The following LNP1 variants were observed in gnomAD, a reference collection of about 807,000 sequenced individuals.
The protein encoded by LNP1 is leukemia NUP98 fusion partner 1.
LNP1 carries 12 observed loss-of-function variants against 14.5 expected under a neutral mutation model. The observed-to-expected ratio is 0.83, with a 90% CI of 0.53 to 1.34. LNP1 has a LOEUF of 1.34. LNP1 is among the 40% of genes most tolerant of loss of function. LNP1 has a pLI of 0.00. For missense variants in LNP1, 198 were observed against 210.9 expected (o/e 0.94, Z 0.38); for synonymous variants, 75 against 71.4 (o/e 1.05, Z -0.26).
At chr3:100,447,576 TA>T (rs1481245008) in intron 2 of LNP1, among the ~76,000 whole-genome samples, 2 of 151,710 alleles carry the variant, frequency 1.3e-5, no homozygotes, top group African/African-American at 4.8e-5. Flanking sequence ...TGTGCACATG[TA>T]CCCTAGAACT....
intron 2 of LNP1, among the ~76,000 whole-genome samples, chr3:100,448,131 G>A (rs74738657): frequency 0.024 from 3,620 of 151,938 alleles, 147 homozygotes; most frequent in African/African-American, 0.083. Context: ...ATCATTTAAC[G>A]TTATGGAACC....
intron 2 of LNP1, among the ~76,000 whole-genome samples, chr3:100,443,839 C>G (rs1414495213): frequency 6.6e-6 from 1 of 152,116 alleles, no homozygotes; most frequent in Non-Finnish European, 1.5e-5. Context: ...AAGAATACTC[C>G]CAAACAGTTT....
At chr3:100,411,356 A>G (rs1707030615) in intron 1 of LNP1, among the ~76,000 whole-genome samples, 1 of 152,208 alleles carries the variant, frequency 6.6e-6, no homozygotes, top group Non-Finnish European at 1.5e-5. Context: ...TTTAGATGAT[A>G]TTTAATGAGA....
chr3:100,439,609 C>A (rs900069954), intron 2 of LNP1, among the ~76,000 whole-genome samples: 5 of 152,146 alleles, frequency 3.3e-5, no homozygotes, highest in Admixed American at 1.3e-4. Flanking sequence ...TCCTCTACCC[C>A]CCTAACACCC....
Position 100,436,407 on chromosome 3 carries a change from G to A in LNP1, c.156+6522G>A, listed in dbSNP as rs534697674. Among the ~76,000 whole-genome samples, 309 of 152,198 alleles carry A rather than the reference G, an allele frequency of 2.0e-3. 1 individual carries two copies. Among genetic ancestry groups the A allele is most frequent in the Non-Finnish European group, 2.8e-3 (189 of 68,006 alleles). On this transcript the variant is annotated intron_variant, in intron 2 of 3. Transcript: ENST00000383693. ...ATGGAATCCCCTTGGTGAAGAGGGGGTCTGTTCAGTTGATGAGGGGCTTAG... is the reference window on the plus strand; with the variant it reads ...ATGGAATCCCCTTGGTGAAGAGGGGATCTGTTCAGTTGATGAGGGGCTTAG...
chr3:100,418,195 G>A (rs1707106325), intron 1 of LNP1, among the ~76,000 whole-genome samples: 1 of 150,306 alleles, frequency 6.7e-6, no homozygotes, highest in Non-Finnish European at 1.5e-5. Context: ...GAGTAGCTGG[G>A]ATTACAGGCA....
At chr3:100,417,375 T>C (rs984818172) in intron 1 of LNP1, among the ~76,000 whole-genome samples, 8 of 123,784 alleles carry the variant, frequency 6.5e-5, no homozygotes, top group Middle Eastern at 3.4e-3. Flanking sequence ...TTTTTTCTTT[T>C]TTTTTTTTTT....
At chr3:100,422,803 C>CTTTT (rs557593118) in intron 1 of LNP1, among the ~76,000 whole-genome samples, 9 of 69,054 alleles carry the variant, frequency 1.3e-4, no homozygotes, top group Non-Finnish European at 1.7e-4. Context: ...TTTGTCTCCT[C>CTTTT]TTTTTTTTTT....
intron 1 of LNP1, among the ~76,000 whole-genome samples, chr3:100,403,609 G>A (rs1461089105): frequency 1.3e-5 from 2 of 151,994 alleles, no homozygotes; most frequent in African/African-American, 4.8e-5. Flanking sequence ...GATTATAGGC[G>A]GCTGCTACCA....
At chr3:100,445,052 C>A (rs1285600990) in intron 2 of LNP1, among the ~76,000 whole-genome samples, 1 of 152,110 alleles carries the variant, frequency 6.6e-6, no homozygotes, top group Non-Finnish European at 1.5e-5. Context: ...GTGGGCAGAT[C>A]ATTTGAGGTC....
intron 1 of LNP1, among the ~76,000 whole-genome samples, chr3:100,403,347 A>G (rs756352640): frequency 5.3e-5 from 8 of 152,202 alleles, no homozygotes; most frequent in African/African-American, 1.9e-4. Context: ...GAACATAGAC[A>G]TTATCTTTTT....
intron 2 of LNP1, among the ~76,000 whole-genome samples, chr3:100,439,626 A>G (rs1242716340): frequency 6.6e-6 from 1 of 152,006 alleles, no homozygotes; most frequent in African/African-American, 2.4e-5. Context: ...ACCCACCCCA[A>G]TATATATAGT....
chr3:100,407,361 G>A (rs950436073), intron 1 of LNP1, among the ~76,000 whole-genome samples: 5 of 152,138 alleles, frequency 3.3e-5, no homozygotes, highest in Non-Finnish European at 7.3e-5. Context: ...GCTGAGTACA[G>A]TATTCTTGAT....
chr3:100,449,929 T>G (rs1489313332), intron 2 of LNP1, among the ~76,000 whole-genome samples: 1 of 152,150 alleles, frequency 6.6e-6, no homozygotes, highest in African/African-American at 2.4e-5. Context: ...ACCTTAGCTA[T>G]CAAACTGCAA....
intron 2 of LNP1, among the ~76,000 whole-genome samples, chr3:100,440,269 T>C (rs1015203954): frequency 6.6e-6 from 1 of 152,190 alleles, no homozygotes; most frequent in Non-Finnish European, 1.5e-5. Context: ...TCAGAGCTGT[T>C]GGGGGTTAGG....
chr3:100,429,925 A>C (rs376414154), intron 2 of LNP1, 40 bp downstream of exon 2: 21 of 1,588,644 alleles, frequency 1.3e-5, no homozygotes, highest in Non-Finnish European at 1.8e-5. Flanking sequence ...GAGCTGGAAT[A>C]GGGGAGGGGG....
intron 1 of LNP1, among the ~76,000 whole-genome samples, chr3:100,419,989 C>T (rs1392648248): frequency 1.3e-5 from 2 of 152,172 alleles, no homozygotes; most frequent in Admixed American, 1.3e-4. Context: ...TTATTCCCAT[C>T]AGCAATGTAT....
chr3:100,446,859 A>G (rs539168062), intron 2 of LNP1, among the ~76,000 whole-genome samples: 8 of 152,246 alleles, frequency 5.3e-5, no homozygotes, highest in Non-Finnish European at 8.8e-5. Flanking sequence ...AATGCTCATC[A>G]TCACTGGTCA....
At chr3:100,413,783 G>A (rs2148899729) in intron 1 of LNP1, among the ~76,000 whole-genome samples, 1 of 152,308 alleles carries the variant, frequency 6.6e-6, no homozygotes, top group African/African-American at 2.4e-5. Flanking sequence ...TTTATGATTT[G>A]CATGAAAATG....
Sources: allele counts gnomAD v4.1 joint callset (sites outside exome capture counted in the v4.1 genomes callset), GRCh38; gene constraint gnomAD v4.1.1; transcripts MANE v1.5; gene names NCBI Gene and HGNC (gene_info 2026-07-23, HGNC 2026-07-21).